Variants in GJA5 observed in about 807,000 individuals in gnomAD.
The protein encoded by GJA5 is gap junction alpha-5 protein.
In GJA5, 3 loss-of-function variants were observed where a neutral mutation model predicts 7.9. The observed-to-expected ratio is 0.38, with a 90% confidence interval of 0.17 to 0.99. The LOEUF (loss-of-function observed/expected upper bound fraction) is 0.99, where lower values mean the gene tolerates loss of function less well. Among genes scored for constraint, GJA5 ranks in the 50% least tolerant of loss-of-function variants. GJA5 has a pLI of 0.38. For missense variants in GJA5, 390 were observed against 457.9 expected, an observed-to-expected ratio of 0.85 and a Z score of 1.35; for synonymous variants, 193 against 181.0, an observed-to-expected ratio of 1.07 and a Z score of -0.53.
At chr1:147,769,332 C>G (rs17160627) in intron 1 of GJA5, among the ~76,000 whole-genome samples, 1 of 152,158 alleles carries the variant, frequency 6.6e-6, no homozygotes, top group East Asian at 1.9e-4. Flanking sequence ...AATTATTAGG[C>G]GGAGGAACTT....
intron 1 of GJA5, among the ~76,000 whole-genome samples, chr1:147,769,286 T>A (rs958682187): frequency 3.3e-5 from 5 of 152,236 alleles, no homozygotes; most frequent in Admixed American, 1.3e-4. Flanking sequence ...TGGTGTTCCA[T>A]TGATGTGAAA....
In GJA5 at chr1:147,756,742, C is replaced by T. The variant is rs1663752321; in HGVS notation, c.*1420G>A. On this transcript the variant is annotated 3_prime_UTR_variant, in exon 2 of 2. Coordinates refer to ENST00000579774, the MANE Select transcript of GJA5 (RefSeq NM_181703.4). ...GTGCATTTTAATAATGTAATAATCC[C>T]TCTATAAGTCTCAGTTTCCAATTCC... 1 of 152,302 alleles carries T rather than the reference C, an allele frequency of 6.6e-6. No homozygotes were observed. The highest frequency in any genetic ancestry group is 6.5e-5 in the Admixed American group (1 of 15,278). The allele number at this position is 152,302 out of a possible 1,614,324, so 9.4% of individuals were successfully genotyped here.
At chr1:147,769,345 G>A (rs1210211791) in intron 1 of GJA5, among the ~76,000 whole-genome samples, 2 of 152,266 alleles carry the variant, frequency 1.3e-5, no homozygotes, top group East Asian at 1.9e-4. Context: ...AGGAACTTCC[G>A]GTCTCTAAGG....
Position 147,757,521 on chromosome 1 carries a change from G to A in GJA5, c.*641C>T, listed in dbSNP as rs893121498. 1 of 45,090 alleles carries A rather than the reference G, an allele frequency of 2.2e-5. No homozygotes were observed. Among genetic ancestry groups the A allele is most frequent in the Non-Finnish European group, 4.1e-5 (1 of 24,544 alleles). The allele number at this position is 45,090 out of a possible 1,614,324, so 2.8% of individuals were successfully genotyped here. A position where few individuals can be genotyped will look rare whatever the true frequency, so the allele number is the denominator to read the frequency against. On this transcript the variant is annotated 3_prime_UTR_variant, in exon 2 of 2. Transcript: ENST00000579774. ...GGGCATTTGCCAGAGGTACATACCA[G>A]GGCATTTGCCAGAGGTACATACCAA...
chr1:147,765,456 G>A (rs791269), upstream of GJA5, among the ~76,000 whole-genome samples: 9,550 of 152,232 alleles, frequency 0.063, 678 homozygotes, highest in East Asian at 0.2. Flanking sequence ...TTAGACCTTC[G>A]AGAGGACTTC....
rs1553226878 is a variant in GJA5, at chr1:147,758,475, A to G, written c.764T>C (p.Val255Ala). Residue 255 changes from valine to alanine, a missense_variant, in exon 2 of 2, where the codon GTG becomes GCG. Transcript: ENST00000579774. ...TGGTGTGCAGCTCTGGACTATGCCC[A>G]CAGAGGGGCCAGAAAGCTGGCACTT... is the stretch of plus-strand genomic sequence containing the variant. Reference protein sequence around the residue: ...MAKCQLSGPSVGIVQSCTPPP... With the variant: ...MAKCQLSGPSAGIVQSCTPPP... 2.5e-6 allele frequency: 4 copies of G among 1,614,204 alleles called. No homozygotes were observed. Among genetic ancestry groups the G allele is most frequent in the Non-Finnish European group, 8.5e-7 (1 of 1,180,020 alleles).
At chr1:147,759,293 A>G in intron 1 of GJA5, 22 bp from the exon 2 acceptor site, 3 of 1,142,532 alleles carry the variant, frequency 2.6e-6, no homozygotes, top group Non-Finnish European at 2.7e-6. Flanking sequence ...AGAGAGAGAA[A>G]GAGAGAAAAG....
intron 1 of GJA5, among the ~76,000 whole-genome samples, chr1:147,769,562 T>C (rs958937730): frequency 6.6e-6 from 1 of 152,134 alleles, no homozygotes. Flanking sequence ...TTTTCTGACA[T>C]TTCCAGTAAA....
rs1553226947 is a variant in GJA5, at chr1:147,758,683, G to A, written c.556C>T (p.Arg186Cys). 1.9e-6 allele frequency: 3 copies of A among 1,614,042 alleles called. No individual in the cohort carries two copies. Among genetic ancestry groups the A allele is most frequent in the East Asian group, 2.2e-5 (1 of 44,882 alleles). The change falls in exon 2 of 2, where the codon CGC becomes TGC. Residue 186 changes from arginine to cysteine, a missense_variant. Arg to Cys is a radical substitution (Grantham distance 180). Coordinates refer to ENST00000579774, the MANE Select transcript of GJA5 (RefSeq NM_181703.4). ...ACCGGGTGGGGACAGGGACTCCTGC[G>A]GCAGACATGCAGGGTGGTCAGGAAG... The part of the protein sequence containing the change: ...GIFLTTLHVC[R>C]RSPCPHPVNC...
chr1:147,758,469 A>G lies in GJA5; in HGVS notation c.770T>C (p.Ile257Thr), dbSNP rs1397789886. The change falls in exon 2 of 2, where the codon ATA (isoleucine) becomes ACA (threonine). Residue 257 changes from isoleucine to threonine, a missense_variant. Around this residue, in one of 2 missense-constraint regions of GJA5, gnomAD observed 354 missense variants for 370.9 expected, o/e 0.95. Transcript: ENST00000579774. ...GGGGGGTGGTGTGCAGCTCTGGACT[A>G]TGCCCACAGAGGGGCCAGAAAGCTG... Reference protein sequence around the residue: ...KCQLSGPSVGIVQSCTPPPDF... With the variant: ...KCQLSGPSVGTVQSCTPPPDF... The G allele has an allele frequency of 1.9e-6, 3 of 1,614,174 alleles. No homozygotes were observed. Among genetic ancestry groups the G allele is most frequent in the African/African-American group, 2.7e-5 (2 of 75,044 alleles).
intron 1 of GJA5, among the ~76,000 whole-genome samples, chr1:147,769,497 C>G (rs782380542): frequency 2.0e-5 from 3 of 152,194 alleles, no homozygotes; most frequent in Non-Finnish European, 4.4e-5. Flanking sequence ...CATGTGGAGT[C>G]ACCTAGAACA....
chr1:147,770,133 G>A (rs1205053649), intron 1 of GJA5, among the ~76,000 whole-genome samples: 1 of 152,186 alleles, frequency 6.6e-6, no homozygotes. Flanking sequence ...TCATGGAGTT[G>A]CCAGGTTGGA....
At chr1:147,772,393 A>G (rs1359469091) in intron 1 of GJA5, among the ~76,000 whole-genome samples, 1 of 152,130 alleles carries the variant, frequency 6.6e-6, no homozygotes, top group Non-Finnish European at 1.5e-5. Context: ...TCACAGCCTT[A>G]CACACCGTTA....
At chr1:147,763,409 G>C (rs1664089852), upstream of GJA5, among the ~76,000 whole-genome samples, 1 of 152,200 alleles carries the variant, frequency 6.6e-6, no homozygotes, top group Non-Finnish European at 1.5e-5. Flanking sequence ...GGTGTCATGG[G>C]AATGTGGGGC....
upstream of GJA5, among the ~76,000 whole-genome samples, chr1:147,762,031 A>G (rs1553227510): frequency 6.6e-6 from 1 of 152,226 alleles, no homozygotes. Context: ...TGGACATACT[A>G]TTAACTCATA....
chr1:147,771,358 A>G (rs587671959), intron 1 of GJA5, among the ~76,000 whole-genome samples: 90 of 152,276 alleles, frequency 5.9e-4, no homozygotes, highest in African/African-American at 1.6e-3. Flanking sequence ...GGACATTAGA[A>G]GAGCCCTCGG....
In GJA5 at chr1:147,757,159, T is replaced by A. The variant is rs111583502; in HGVS notation, c.*1003A>T. 1.2e-4 allele frequency: 18 copies of A among 152,192 alleles called. No homozygotes were observed. The highest frequency in any genetic ancestry group is 4.1e-4 in the African/African-American group (17 of 41,442). The allele number at this position is 152,192 out of a possible 1,614,324, so 9.4% of individuals were successfully genotyped here. ...AGAATTTTTTTTTCCACAAGGGGAA[T>A]CTGAGAAGTACAATGCTTTCTTTGT... On this transcript the variant is annotated 3_prime_UTR_variant, in exon 2 of 2. Coordinates refer to ENST00000579774, the MANE Select transcript of GJA5 (RefSeq NM_181703.4).
rs1553227085 is a variant in GJA5, at chr1:147,759,105, C to G, written c.134G>C (p.Trp45Ser). The change falls in exon 2 of 2, where the codon TGG becomes TCG. Residue 45 changes from tryptophan (W) to serine (S), a missense_variant. By Grantham distance (177) the Trp-to-Ser change is radical (BLOSUM62 -3). Coordinates refer to ENST00000579774, the MANE Select transcript of GJA5 (RefSeq NM_181703.4). The part of the protein sequence containing the change: ...LVLGTAAESS[W>S]GDEQADFRCD... ...CCGGAAATCAGCCTGCTCATCCCCCCAGGAAGACTCAGCAGCTGTGCCCAG... is the reference window on the plus strand; with the variant it reads ...CCGGAAATCAGCCTGCTCATCCCCCGAGGAAGACTCAGCAGCTGTGCCCAG... 2 of 1,612,600 alleles carry G rather than the reference C, an allele frequency of 1.2e-6. No homozygotes were observed.
At chr1:147,761,301 A>G (rs1664001664), upstream of GJA5, among the ~76,000 whole-genome samples, 1 of 152,168 alleles carries the variant, frequency 6.6e-6, no homozygotes, top group Non-Finnish European at 1.5e-5. Flanking sequence ...TGACCGTCAT[A>G]TCTTTGCTGC....
Sources: gnomAD v4.1 joint callset for allele counts (sites outside exome capture counted in the v4.1 genomes callset) on GRCh38, gnomAD v4.1.1 for gene constraint, gnomAD v4.1.1 regional missense constraint, MANE v1.5 for transcripts, NCBI Gene and HGNC (gene_info 2026-07-23, HGNC 2026-07-21) for gene names.